Variants in ROBO2 observed in about 807,000 individuals in gnomAD.
The protein encoded by ROBO2 is roundabout guidance receptor 2.
Under a neutral mutation model 160.8 loss-of-function variants are expected in ROBO2, and 53 were observed. The ratio of observed to expected loss-of-function variants is 0.33; its 90% CI spans 0.26 to 0.41. The LOEUF is 0.41. Among genes scored for constraint, ROBO2 ranks in the 10% least tolerant of loss-of-function variants. The pLI is 1.00. For synonymous variants in ROBO2, 664 were observed against 611.7 expected (o/e 1.09, Z -1.26); for missense variants, 1,577 against 1,722.4 (o/e 0.92, Z 1.49).
At chr3:76,765,111 T>C (rs1158838072) in intron 2 of ROBO2, among the ~76,000 whole-genome samples, 1 of 151,670 alleles carries the variant, frequency 6.6e-6, no homozygotes, top group Non-Finnish European at 1.5e-5. Flanking sequence ...ACTCTGTATG[T>C]CCATTTTCTT....
At chr3:76,706,930 G>A (rs1295714371) in intron 2 of ROBO2, among the ~76,000 whole-genome samples, 1 of 152,034 alleles carries the variant, frequency 6.6e-6, no homozygotes, top group African/African-American at 2.4e-5. Flanking sequence ...GGTAGGAACA[G>A]ATGTCTATGG....
At chr3:76,342,572 T>C (rs1237246229) in intron 2 of ROBO2, among the ~76,000 whole-genome samples, 1 of 152,076 alleles carries the variant, frequency 6.6e-6, no homozygotes, top group East Asian at 1.9e-4. Context: ...TACCTTTTGC[T>C]CTGGATGGAT....
chr3:77,549,302 G>T (rs1487083725), intron 7 of ROBO2, among the ~76,000 whole-genome samples: 1 of 151,962 alleles, frequency 6.6e-6, no homozygotes, highest in Non-Finnish European at 1.5e-5. Context: ...TATTCTAATG[G>T]CTAATTGTGG....
At chr3:76,719,270 A>G (rs1184576922) in intron 2 of ROBO2, among the ~76,000 whole-genome samples, 1 of 152,236 alleles carries the variant, frequency 6.6e-6, no homozygotes, top group Non-Finnish European at 1.5e-5. Flanking sequence ...ATTTGAATGT[A>G]TAGATTCAGT....
chr3:76,817,438 A>G (rs2065770590), intron 2 of ROBO2, among the ~76,000 whole-genome samples: 1 of 152,164 alleles, frequency 6.6e-6, no homozygotes, highest in Non-Finnish European at 1.5e-5. Context: ...ACTGCAAACC[A>G]GAAGAAGACA....
At chr3:77,166,802 G>A (rs781143662) in intron 2 of ROBO2, among the ~76,000 whole-genome samples, 8 of 152,158 alleles carry the variant, frequency 5.3e-5, no homozygotes, top group South Asian at 2.1e-4. Context: ...CTCGTGATCC[G>A]CCTGCATCGG....
At chr3:76,067,216 T>G (rs2068283713) in intron 2 of ROBO2, among the ~76,000 whole-genome samples, 2 of 152,186 alleles carry the variant, frequency 1.3e-5, no homozygotes, top group African/African-American at 2.4e-5. Flanking sequence ...CCCAGTTCCC[T>G]TCTGTTAAAA....
intron 2 of ROBO2, among the ~76,000 whole-genome samples, chr3:76,785,334 C>A (rs547158021): frequency 1.3e-5 from 2 of 151,228 alleles, no homozygotes; most frequent in African/African-American, 4.8e-5. Context: ...ATCTGAAAAT[C>A]AATCAGCTGG....
At chr3:75,995,417 T>G (rs678771) in intron 2 of ROBO2, among the ~76,000 whole-genome samples, 108,578 of 152,046 alleles carry the variant, frequency 0.71, 41,619 homozygotes, top group South Asian at 0.89. Flanking sequence ...AGGGTGATGT[T>G]GGGCCCATTG....
At chr3:77,466,189 A>C (rs1253719631) in intron 2 of ROBO2, among the ~76,000 whole-genome samples, 3 of 152,146 alleles carry the variant, frequency 2.0e-5, no homozygotes, top group African/African-American at 7.2e-5. Context: ...GTCTCTTGTC[A>C]TGTAGTAATC....
chr3:76,675,566 C>T (rs191080005), intron 2 of ROBO2, among the ~76,000 whole-genome samples: 25 of 152,266 alleles, frequency 1.6e-4, no homozygotes, highest in Non-Finnish European at 2.9e-4. Context: ...ATGTTAGAAT[C>T]CTCTATGCAT....
chr3:76,209,210 G>A (rs183069483), intron 2 of ROBO2, among the ~76,000 whole-genome samples: 41 of 152,234 alleles, frequency 2.7e-4, no homozygotes, highest in African/African-American at 9.6e-4. Context: ...AGTGGAAAAA[G>A]CCAGTTTTGT....
At chr3:76,023,936 A>C (rs536740342) in intron 2 of ROBO2, among the ~76,000 whole-genome samples, 1 of 151,660 alleles carries the variant, frequency 6.6e-6, no homozygotes, top group East Asian at 1.9e-4. Flanking sequence ...ATCCAAATCA[A>C]ATCTCTCTGA....
chr3:77,465,824 G>A (rs1156638989), intron 2 of ROBO2, among the ~76,000 whole-genome samples: 2 of 152,142 alleles, frequency 1.3e-5, no homozygotes, highest in Non-Finnish European at 2.9e-5. Context: ...CTTTTCATAA[G>A]TAAACAAACA....
chr3:76,888,656 C>T (rs576409026), intron 2 of ROBO2, among the ~76,000 whole-genome samples: 27 of 152,186 alleles, frequency 1.8e-4, no homozygotes, highest in Middle Eastern at 6.8e-3. Flanking sequence ...CATATGACAT[C>T]GTAGTCTTTA....
chr3:76,399,405 C>T (rs2077682589), intron 2 of ROBO2, among the ~76,000 whole-genome samples: 1 of 151,532 alleles, frequency 6.6e-6, no homozygotes, highest in South Asian at 2.1e-4. Context: ...GTTTAAATGC[C>T]CTGCCTAAAT....
At chr3:77,049,217 A>C (rs1037346790) in intron 1 of ROBO2, among the ~76,000 whole-genome samples, 1 of 151,968 alleles carries the variant, frequency 6.6e-6, no homozygotes, top group Non-Finnish European at 1.5e-5. Context: ...GTGGTCTCAG[A>C]TACTTGGGAG....
intron 1 of ROBO2, among the ~76,000 whole-genome samples, chr3:77,090,323 C>CTTTTTTTTTT (rs542280937): frequency 9.9e-5 from 7 of 70,748 alleles, no homozygotes; most frequent in Admixed American, 1.8e-4. Flanking sequence ...CTAAACCACT[C>CTTTTTTTTTT]TTTTTTTTTT....
chr3:77,469,394 T>C (rs1186924375), intron 2 of ROBO2, among the ~76,000 whole-genome samples: 1 of 152,066 alleles, frequency 6.6e-6, no homozygotes, highest in Admixed American at 6.5e-5. Flanking sequence ...GGGTGCTTTT[T>C]TCATGTGCAG....
Sources: gnomAD v4.1 joint callset for allele counts (sites outside exome capture counted in the v4.1 genomes callset) on GRCh38, gnomAD v4.1.1 for gene constraint, MANE v1.5 for transcripts, NCBI Gene and HGNC (gene_info 2026-07-23, HGNC 2026-07-21) for gene names.